Variants in ASZ1 observed in about 807,000 individuals in gnomAD.
ASZ1 encodes ankyrin repeat, SAM and basic leucine zipper domain containing 1.
Under a neutral mutation model 61.8 loss-of-function variants are expected in ASZ1, and 67 were observed. The observed-to-expected ratio is 1.08, with a 90% CI of 0.89 to 1.33. The LOEUF is 1.33. Among genes scored for constraint, ASZ1 ranks in the 40% most tolerant of loss-of-function variants. The pLI, the probability that ASZ1 is intolerant of heterozygous loss-of-function variation, is 0.00. For synonymous variants in ASZ1, 193 were observed against 192.7 expected, an observed-to-expected ratio of 1.00 and a Z score of -0.01; for missense variants, 577 against 554.5, an observed-to-expected ratio of 1.04 and a Z score of -0.41.
intron 12 of ASZ1, among the ~76,000 whole-genome samples, chr7:117,364,980 C>A (rs777398506): frequency 2.0e-5 from 3 of 152,120 alleles, no homozygotes; most frequent in Non-Finnish European, 2.9e-5. Flanking sequence ...TACCTCCATA[C>A]ACTTATCTGT....
intron 4 of ASZ1, among the ~76,000 whole-genome samples, chr7:117,400,447 T>A (rs1796658372): frequency 6.6e-6 from 1 of 152,172 alleles, no homozygotes; most frequent in South Asian, 2.1e-4. Flanking sequence ...CTCTTCCACT[T>A]TTTGCTTTTA....
chr7:117,421,176 T>C (rs537021112), intron 3 of ASZ1, among the ~76,000 whole-genome samples: 1 of 152,358 alleles, frequency 6.6e-6, no homozygotes, highest in East Asian at 1.9e-4. Flanking sequence ...GAATATTTTA[T>C]ACACTTTTGA....
chr7:117,426,488 C>CAAAAAAAAAAA (rs10625452), intron 2 of ASZ1, among the ~76,000 whole-genome samples: 310 of 33,726 alleles, frequency 9.2e-3, no homozygotes, highest in Non-Finnish European at 0.011. Context: ...GATAACATCT[C>CAAAAAAAAAAA]AAAAAAAAAA....
At chr7:117,364,354 T>G (rs1032633688) in intron 12 of ASZ1, among the ~76,000 whole-genome samples, 1 of 151,400 alleles carries the variant, frequency 6.6e-6, no homozygotes, top group Non-Finnish European at 1.5e-5. Context: ...CTCCCCTACC[T>G]ACTGTGTGTG....
intron 4 of ASZ1, among the ~76,000 whole-genome samples, chr7:117,414,925 C>A (rs907218139): frequency 1.4e-4 from 21 of 150,614 alleles, no homozygotes; most frequent in African/African-American, 5.0e-4. Flanking sequence ...CTATTGTGAA[C>A]AGTGCCGCAA....
chr7:117,390,065 G>A (rs1796434069), intron 4 of ASZ1, among the ~76,000 whole-genome samples: 1 of 152,018 alleles, frequency 6.6e-6, no homozygotes, highest in South Asian at 2.1e-4. Context: ...CAAAGGACAT[G>A]GTTTCTTTTT....
chr7:117,367,671 T>G, intron 11 of ASZ1: 1 of 1,042,746 alleles, frequency 9.6e-7, no homozygotes, highest in Non-Finnish European at 1.2e-6. Flanking sequence ...CCTGAATATA[T>G]GTATATATAA....
intron 4 of ASZ1, among the ~76,000 whole-genome samples, chr7:117,412,039 A>AGTGTGTATGTGTGTGT (rs561983723): frequency 3.1e-5 from 4 of 128,446 alleles, no homozygotes; most frequent in South Asian, 5.1e-4. Flanking sequence ...AGTGAAAAGA[A>AGTGTGTATGTGTGTGT]GTGTGTGTGT....
Position 117,368,264 on chromosome 7 carries a change from T to C in ASZ1, c.1161+348A>G, listed in dbSNP as rs113288835. 67 of 978,664 alleles carry C rather than the reference T, an allele frequency of 6.8e-5. No homozygotes were observed. The African/African-American group carries it at 1.0e-3, about 15-fold the overall frequency. The allele number at this position is 978,664 out of a possible 1,614,324, so 60.6% of individuals were successfully genotyped here. On this transcript the variant is annotated intron_variant, in intron 11 of 12. Transcript: ENST00000284629. Reference sequence around the variant, plus strand: ...CCTATTCTAAATTTATTTAAAAATATTTTATTGATATGGTTTTTAAATAAC... The same window carrying C: ...CCTATTCTAAATTTATTTAAAAATACTTTATTGATATGGTTTTTAAATAAC...
chr7:117,422,149 T>C (rs1215500808), intron 3 of ASZ1, 88 bp downstream of exon 3: 1 of 1,433,324 alleles, frequency 7.0e-7, no homozygotes, highest in East Asian at 2.3e-5. Flanking sequence ...TTCAAATGGC[T>C]TTAGTTTTTT....
intron 4 of ASZ1, among the ~76,000 whole-genome samples, chr7:117,386,852 T>C (rs1796366595): frequency 6.6e-6 from 1 of 152,142 alleles, no homozygotes; most frequent in African/African-American, 2.4e-5. Flanking sequence ...TGGTATATTA[T>C]AATTTGAATG....
intron 4 of ASZ1, among the ~76,000 whole-genome samples, chr7:117,394,313 C>A (rs774976636): frequency 6.6e-6 from 1 of 152,092 alleles, no homozygotes; most frequent in Non-Finnish European, 1.5e-5. Context: ...CAAACTCTTG[C>A]GCTCAAGCAG....
chr7:117,384,628 A>G, intron 6 of ASZ1, 98 bp downstream of exon 6: 1 of 1,362,504 alleles, frequency 7.3e-7, no homozygotes, highest in South Asian at 1.4e-5. Flanking sequence ...CAGATACACT[A>G]TAATTACACT....
At chr7:117,416,744 G>T (rs982259102) in intron 4 of ASZ1, among the ~76,000 whole-genome samples, 2 of 152,112 alleles carry the variant, frequency 1.3e-5, no homozygotes, top group Admixed American at 1.3e-4. Context: ...GAAAATCTGA[G>T]TATTTTAATT....
intron 10 of ASZ1, among the ~76,000 whole-genome samples, chr7:117,376,597 A>T (rs980922324): frequency 4.6e-5 from 7 of 152,124 alleles, no homozygotes; most frequent in African/African-American, 1.7e-4. Context: ...AATAACCCAC[A>T]ACCACATGGG....
intron 5 of ASZ1, 106 bp from the exon 6 acceptor site, chr7:117,384,966 GTTAA>G: frequency 1.0e-6 from 1 of 1,004,702 alleles, no homozygotes; most frequent in Non-Finnish European, 1.4e-6. Flanking sequence ...AGAGAACATA[GTTAA>G]TTAATGGAAT....
chr7:117,388,427 A>C (rs1796400101), intron 4 of ASZ1, among the ~76,000 whole-genome samples: 1 of 152,198 alleles, frequency 6.6e-6, no homozygotes, highest in Admixed American at 6.5e-5. Flanking sequence ...AGAATCCAAA[A>C]ATACATAAAA....
intron 10 of ASZ1, among the ~76,000 whole-genome samples, chr7:117,374,065 A>AAT (rs151023181): frequency 0.021 from 3,210 of 152,184 alleles, 114 homozygotes; most frequent in African/African-American, 0.073. Flanking sequence ...ATCTTGCTGT[A>AAT]ATATGGGGAT....
chr7:117,366,966 G>A (rs1460877265), intron 12 of ASZ1, among the ~76,000 whole-genome samples: 1 of 151,942 alleles, frequency 6.6e-6, no homozygotes, highest in African/African-American at 2.4e-5. Flanking sequence ...GAATACTTAT[G>A]GTACATATAA....
Sources: allele counts gnomAD v4.1 joint callset (sites outside exome capture counted in the v4.1 genomes callset), GRCh38; gene constraint gnomAD v4.1.1; transcripts MANE v1.5; gene names NCBI Gene and HGNC (gene_info 2026-07-23, HGNC 2026-07-21).